PTCD2: variants seen among roughly 807,000 people sequenced by gnomAD.
The protein encoded by PTCD2 is pentatricopeptide repeat domain 2.
PTCD2 carries 31 observed loss-of-function variants against 42.6 expected under a neutral mutation model. The ratio of observed to expected loss-of-function variants is 0.73; its 90% CI spans 0.55 to 0.98. The LOEUF (loss-of-function observed/expected upper bound fraction) is 0.98, where lower values mean the gene tolerates loss of function less well. Ranked by LOEUF, PTCD2 falls within the 50% of genes least tolerant of loss-of-function variation. The pLI is 0.00. For synonymous variants in PTCD2, 183 were observed against 170.9 expected, an observed-to-expected ratio of 1.07 and a Z score of -0.55; for missense variants, 476 against 454.8, an observed-to-expected ratio of 1.05 and a Z score of -0.42.
chr5:72,332,395 TATTAAC>T (rs959670382), intron 4 of PTCD2, among the ~76,000 whole-genome samples: 4 of 152,136 alleles, frequency 2.6e-5, no homozygotes, highest in African/African-American at 9.7e-5. Flanking sequence ...AAAAGACACA[TATTAAC>T]ATTAACATTT....
chr5:72,343,467 A>T (rs577354246), intron 8 of PTCD2, among the ~76,000 whole-genome samples: 45 of 152,358 alleles, frequency 3.0e-4, no homozygotes, highest in Non-Finnish European at 3.8e-4. Context: ...ATGAGCTTAT[A>T]TACTTATGGT....
chr5:72,365,246 A>G lies in PTCD2; in HGVS notation c.*6819A>G, dbSNP rs1295245237. The G allele has an allele frequency of 1.3e-5, 2 of 152,310 alleles. No homozygotes were observed. The highest frequency in any genetic ancestry group is 1.3e-4 in the Admixed American group (2 of 15,278). 9.4% of individuals were successfully genotyped at this position (152,310 alleles called of 1,614,324 possible). ...GCCTGCAAGGCATCACGGTCTGTGA[A>G]CTGGTCTGTGAACTGCGGGCCTGCC... On this transcript the variant is annotated 3_prime_UTR_variant, in exon 10 of 10. Coordinates refer to ENST00000380639, the MANE Select transcript of PTCD2 (RefSeq NM_024754.5).
At chr5:72,342,866 T>G in intron 7 of PTCD2, 96 bp from the exon 8 acceptor site, 1 of 562,548 alleles carries the variant, frequency 1.8e-6, no homozygotes, top group Non-Finnish European at 3.0e-6. Flanking sequence ...AACCCTGAGG[T>G]CACCTTAATA....
intron 8 of PTCD2, among the ~76,000 whole-genome samples, chr5:72,348,117 C>T (rs1752451320): frequency 6.6e-6 from 1 of 152,130 alleles, no homozygotes; most frequent in Admixed American, 6.5e-5. Flanking sequence ...TGTCATCTTC[C>T]TCGGGGATGA....
chr5:72,326,503 G>C (rs1751144829), intron 2 of PTCD2, 109 bp from the exon 3 acceptor site: 1 of 1,140,120 alleles, frequency 8.8e-7, no homozygotes, highest in Non-Finnish European at 1.3e-6. Context: ...ACCCCTCTCA[G>C]TGCCCCTCTG....
intron 2 of PTCD2, among the ~76,000 whole-genome samples, chr5:72,322,842 A>G (rs1750934486): frequency 2.0e-5 from 3 of 152,244 alleles, no homozygotes. Context: ...TTAAAAAACA[A>G]GAGAAACCTG....
At chr5:72,337,787 T>G (rs1399913543) in intron 6 of PTCD2, among the ~76,000 whole-genome samples, 2 of 152,162 alleles carry the variant, frequency 1.3e-5, no homozygotes, top group Admixed American at 6.5e-5. Context: ...AGCGAGACTC[T>G]GTCTCAAAAA....
At chr5:72,329,283 A>G (rs1751307241) in intron 3 of PTCD2, among the ~76,000 whole-genome samples, 1 of 152,216 alleles carries the variant, frequency 6.6e-6, no homozygotes, top group Non-Finnish European at 1.5e-5. Context: ...GGCTCCACCA[A>G]CATGTTCTCT....
rs1199452303 is a variant in PTCD2 at position 72,362,620 on chromosome 5, A to G, written c.*4193A>G. On this transcript the variant is annotated 3_prime_UTR_variant, in exon 10 of 10. Transcript: ENST00000380639. Reference sequence around the variant, plus strand: ...ACTCTTTCTCTATTCTGTTCTGCCTATTATTCAAGGTCTAACTTGTGTCAC... The same window carrying G: ...ACTCTTTCTCTATTCTGTTCTGCCTGTTATTCAAGGTCTAACTTGTGTCAC... 1 of 152,158 alleles carries G rather than the reference A, an allele frequency of 6.6e-6. No homozygotes were observed. Among genetic ancestry groups the G allele is most frequent in the Non-Finnish European group, 1.5e-5 (1 of 68,038 alleles). The allele number at this position is 152,158 out of a possible 1,614,324, so 9.4% of individuals were successfully genotyped here.
intron 8 of PTCD2, among the ~76,000 whole-genome samples, chr5:72,346,015 T>C (rs1268521418): frequency 6.6e-6 from 1 of 152,236 alleles, no homozygotes; most frequent in Non-Finnish European, 1.5e-5. Context: ...TTTCAGAGAA[T>C]GACTAGATGA....
intron 8 of PTCD2, among the ~76,000 whole-genome samples, chr5:72,345,659 G>T (rs542515446): frequency 9.2e-5 from 14 of 152,188 alleles, no homozygotes; most frequent in Non-Finnish European, 1.8e-4. Context: ...ATTTTCTTCT[G>T]CCATGGCTTC....
intron 9 of PTCD2, 100 bp from the exon 10 acceptor site, chr5:72,358,103 A>G (rs1231841269): frequency 4.5e-6 from 5 of 1,100,852 alleles, no homozygotes; most frequent in Middle Eastern, 2.0e-4. Flanking sequence ...CTGGCCTACC[A>G]TACATTTTTG....
intron 8 of PTCD2, among the ~76,000 whole-genome samples, chr5:72,347,746 A>C (rs1752431235): frequency 6.6e-6 from 1 of 152,002 alleles, no homozygotes; most frequent in Admixed American, 6.6e-5. Context: ...CCAAATGAGA[A>C]GGTGCTTTGG....
At chr5:72,352,617 T>C (rs1264216766) in intron 8 of PTCD2, 24 bp from the exon 9 acceptor site, 1 of 1,217,860 alleles carries the variant, frequency 8.2e-7, no homozygotes, top group Non-Finnish European at 1.2e-6. Flanking sequence ...GTCTTGGTTT[T>C]GCTTGTGTCT....
In PTCD2 at chr5:72,320,400, G is replaced by T; in HGVS notation, c.18G>T (p.Met6Ile). The change falls in exon 1 of 10, where the codon ATG (methionine) becomes ATT (isoleucine). Residue 6 changes from methionine (M) to isoleucine (I), a missense_variant. Physicochemically the swap from Met to Ile is conservative, Grantham distance 10 (BLOSUM62 1). Coordinates refer to ENST00000380639, the MANE Select transcript of PTCD2 (RefSeq NM_024754.5). ...TAGTTGGTATGGTCCGAGACAGTAT[G>T]GCTGCTGCATTTCGGCCCTCGAATC... MVRDS[M>I]AAAFRPSNRV... is the part of the protein sequence containing the mutation. 1 of 1,614,210 alleles carries T rather than the reference G, an allele frequency of 6.2e-7. No individual in the cohort carries two copies. The highest frequency in any genetic ancestry group is 8.5e-7 in the Non-Finnish European group (1 of 1,180,038).
intron 2 of PTCD2, among the ~76,000 whole-genome samples, chr5:72,325,671 A>T (rs1281507343): frequency 6.6e-6 from 1 of 152,200 alleles, no homozygotes; most frequent in Non-Finnish European, 1.5e-5. Context: ...CTCTGCTTCT[A>T]GTTCTTGTGT....
intron 9 of PTCD2, among the ~76,000 whole-genome samples, chr5:72,357,627 A>G (rs1486116833): frequency 1.3e-5 from 2 of 152,118 alleles, no homozygotes; most frequent in Non-Finnish European, 2.9e-5. Context: ...TGCTCTAATC[A>G]TTACATTGAA....
intron 4 of PTCD2, among the ~76,000 whole-genome samples, chr5:72,332,483 T>C (rs1285266754): frequency 6.6e-6 from 1 of 152,168 alleles, no homozygotes; most frequent in African/African-American, 2.4e-5. Flanking sequence ...GGTAGAATTA[T>C]TAAAAATTCT....
chr5:72,342,663 C>T (rs997933999), intron 7 of PTCD2, among the ~76,000 whole-genome samples: 3 of 152,174 alleles, frequency 2.0e-5, no homozygotes, highest in Non-Finnish European at 4.4e-5. Context: ...ACAGGCTTTG[C>T]ACTTTGTTCT....
Sources: allele counts gnomAD v4.1 joint callset (sites outside exome capture counted in the v4.1 genomes callset), GRCh38; gene constraint gnomAD v4.1.1; transcripts MANE v1.5; gene names NCBI Gene and HGNC (gene_info 2026-07-23, HGNC 2026-07-21).